The following AASS variants were observed in gnomAD, a reference collection of about 807,000 sequenced individuals.
AASS encodes aminoadipate-semialdehyde synthase, also known as alpha-aminoadipic semialdehyde synthase, mitochondrial.
In AASS, 86 loss-of-function variants were observed where a neutral mutation model predicts 105.4. That is an observed-to-expected ratio of 0.82 (90% CI 0.69 to 0.98). The LOEUF (loss-of-function observed/expected upper bound fraction) is 0.98, where lower values mean the gene tolerates loss of function less well. Among genes scored for constraint, AASS ranks in the 50% least tolerant of loss-of-function variants. The pLI is 0.00. For synonymous variants in AASS, 381 were observed against 394.8 expected, an observed-to-expected ratio of 0.96 and a Z score of 0.41; for missense variants, 1,048 against 1,143.2, an observed-to-expected ratio of 0.92 and a Z score of 1.20.
chr7:122,092,815 G>A (rs746602709), intron 17 of AASS, 28 bp downstream of exon 17: 1 of 1,534,472 alleles, frequency 6.5e-7, no homozygotes, highest in African/African-American at 1.4e-5. Context: ...ACATTTTAAT[G>A]TTGCCTTTGG....
At position 122,079,319 on chromosome 7, in the gene AASS, C is replaced by T. The variant is rs1296368244; in HGVS notation, c.2396+278G>A. The T allele has an allele frequency of 4.4e-6, 6 of 1,356,692 alleles. No homozygotes were observed. The East Asian group carries it at 1.9e-4, about 42-fold the overall frequency. The allele number at this position is 1,356,692 out of a possible 1,614,324, so 84.0% of individuals were successfully genotyped here. Reference sequence around the variant, plus strand: ...TTTCATGTAATATTCTATGACTACTCCAAATCTCCTACAGGAAAGCAAAAA... The same window carrying T: ...TTTCATGTAATATTCTATGACTACTTCAAATCTCCTACAGGAAAGCAAAAA... On this transcript the variant is annotated intron_variant, in intron 21 of 23. Coordinates refer to ENST00000417368, the MANE Select transcript of AASS (RefSeq NM_005763.4).
intron 8 of AASS, 37 bp from the exon 9 acceptor site, chr7:122,115,259 T>G: frequency 6.2e-7 from 1 of 1,611,324 alleles, no homozygotes; most frequent in Non-Finnish European, 8.5e-7. Flanking sequence ...AAATAGAAAA[T>G]AGCCTATTTT....
chr7:122,106,508 T>A (rs1300960747), intron 11 of AASS, among the ~76,000 whole-genome samples: 1 of 151,274 alleles, frequency 6.6e-6, no homozygotes, highest in Admixed American at 6.6e-5. Flanking sequence ...TCAAACTATA[T>A]TACAGGGCTA....
At chr7:122,122,177 T>C (rs947665138) in intron 4 of AASS, among the ~76,000 whole-genome samples, 35 of 152,268 alleles carry the variant, frequency 2.3e-4, no homozygotes, top group African/African-American at 7.5e-4. Flanking sequence ...TGGCTTGGGG[T>C]TTATTGAACT....
intron 9 of AASS, 100 bp downstream of exon 9, chr7:122,114,974 T>C: frequency 2.7e-6 from 4 of 1,495,460 alleles, no homozygotes; most frequent in African/African-American, 1.4e-5. Context: ...GGCAGAGAAG[T>C]AGTCATTAGA....
chr7:122,133,403 C>T lies in AASS; in HGVS notation c.210+114G>A, dbSNP rs575352521. The stretch of plus-strand genomic sequence containing the variant: ...ATAGGGTGAAAATAATACTTTTAAT[C>T]AAAGTAAAGAAATCAAAGTGACACT... On this transcript the variant is annotated intron_variant, in intron 2 of 23. Coordinates refer to ENST00000417368, the MANE Select transcript of AASS (RefSeq NM_005763.4). 35 of 1,168,746 alleles carry T rather than the reference C, an allele frequency of 3.0e-5. No individual in the cohort carries two copies. The African/African-American group carries it at 4.4e-4, about 15-fold the overall frequency. The allele number at this position is 1,168,746 out of a possible 1,614,324, so 72.4% of individuals were successfully genotyped here.
intron 2 of AASS, among the ~76,000 whole-genome samples, chr7:122,130,451 T>C (rs1584895015): frequency 6.6e-6 from 1 of 152,148 alleles, no homozygotes; most frequent in East Asian, 1.9e-4. Flanking sequence ...ATCATTGATA[T>C]GTATTAATAA....
chr7:122,144,058 C>A (rs1440504262), intron 1 of AASS, 103 bp downstream of exon 1: 4 of 152,202 alleles, frequency 2.6e-5, no homozygotes, highest in African/African-American at 9.7e-5. Context: ...CGGGCCCCTC[C>A]CAGCGACAGC....
At chr7:122,118,770 T>C (rs554226525) in intron 4 of AASS, 140 bp from the exon 5 acceptor site, 1 of 847,174 alleles carries the variant, frequency 1.2e-6, no homozygotes, top group Non-Finnish European at 2.0e-6. Context: ...CTCAGTAGAT[T>C]GTATCCATCC....
At chr7:122,098,378 G>A in intron 15 of AASS, 72 bp downstream of exon 15, 3 of 1,570,476 alleles carry the variant, frequency 1.9e-6, no homozygotes, top group Non-Finnish European at 2.6e-6. Flanking sequence ...GAGAGGAGAA[G>A]TGAAAGAGAA....
Position 122,118,304 on chromosome 7 carries a change from T to C in AASS, c.687+3A>G. 1 of 1,613,962 alleles carries C rather than the reference T, an allele frequency of 6.2e-7. No individual in the cohort carries two copies. The highest frequency in any genetic ancestry group is 8.5e-7 in the Non-Finnish European group (1 of 1,180,000). ...TTACAAAAGGAAGTCAGGTAAAAGT[T>C]ACCTTAGAAACATTACCAGTTCCTG... On this transcript the variant is annotated splice_donor_region_variant and intron_variant, in intron 6 of 23. Transcript: ENST00000417368.
rs189296423 is a variant in AASS, at chr7:122,086,215, G to A, written c.2017-36C>T. The A allele has an allele frequency of 6.6e-5, 106 of 1,607,550 alleles. No homozygotes were observed. The East Asian group carries it at 1.8e-3, about 28-fold the overall frequency. ...TTGAGAAGGCACACATGGGGTTACA[G>A]CTGTTCCTTTCTTTTAGGGCTTATC... On this transcript the variant is annotated intron_variant, in intron 18 of 23. Coordinates refer to ENST00000417368, the MANE Select transcript of AASS (RefSeq NM_005763.4).
chr7:122,093,801 C>A (rs1248008409), intron 15 of AASS, among the ~76,000 whole-genome samples: 1 of 151,866 alleles, frequency 6.6e-6, no homozygotes, highest in Non-Finnish European at 1.5e-5. Context: ...TAGAGTGAGA[C>A]CCTGTCTCAA....
At chr7:122,136,927 C>A (rs1302437019) in intron 1 of AASS, among the ~76,000 whole-genome samples, 2 of 152,138 alleles carry the variant, frequency 1.3e-5, no homozygotes, top group African/African-American at 4.8e-5. Context: ...CACACAGACA[C>A]AAATACAGAC....
chr7:122,138,033 T>C (rs1796233534), intron 1 of AASS, among the ~76,000 whole-genome samples: 1 of 152,018 alleles, frequency 6.6e-6, no homozygotes, highest in Non-Finnish European at 1.5e-5. Context: ...CAGGCAAGGG[T>C]GGGGTACAAG....
At chr7:122,090,189 G>C (rs1793825920) in intron 18 of AASS, among the ~76,000 whole-genome samples, 1 of 152,140 alleles carries the variant, frequency 6.6e-6, no homozygotes, top group Admixed American at 6.6e-5. Flanking sequence ...AGAACTCATT[G>C]ATCCTGTTTA....
At chr7:122,134,407 T>A (rs1182302807) in intron 1 of AASS, among the ~76,000 whole-genome samples, 1 of 152,210 alleles carries the variant, frequency 6.6e-6, no homozygotes, top group East Asian at 1.9e-4. Flanking sequence ...TCTCACTCTG[T>A]CAATGCTAAA....
intron 19 of AASS, among the ~76,000 whole-genome samples, chr7:122,083,560 G>A (rs1205684493): frequency 1.3e-5 from 2 of 152,170 alleles, no homozygotes; most frequent in East Asian, 1.9e-4. Flanking sequence ...GGTCAGATAA[G>A]TCAAGCAAAT....
chr7:122,129,806 T>C (rs1476157782), intron 2 of AASS, among the ~76,000 whole-genome samples: 1 of 152,212 alleles, frequency 6.6e-6, no homozygotes. Flanking sequence ...TTTGGTCATA[T>C]GCACTAGCAC....
Sources: gnomAD v4.1 joint callset for allele counts (sites outside exome capture counted in the v4.1 genomes callset) on GRCh38, gnomAD v4.1.1 for gene constraint, MANE v1.5 for transcripts, NCBI Gene and HGNC (gene_info 2026-07-23, HGNC 2026-07-21) for gene names.